The following IL17RD variants were observed in gnomAD, a reference collection of about 807,000 sequenced individuals.
IL17RD encodes interleukin 17 receptor D.
A neutral mutation model predicts 80.5 loss-of-function variants in IL17RD; 52 were observed. The ratio of observed to expected loss-of-function variants is 0.65; its 90% CI spans 0.52 to 0.81. The LOEUF (loss-of-function observed/expected upper bound fraction) is 0.81. IL17RD is among the 40% of genes least tolerant of loss of function. The pLI is 0.00. For synonymous variants in IL17RD, 416 were observed against 391.8 expected (o/e 1.06, Z -0.73); for missense variants, 1,024 against 955.1 (o/e 1.07, Z -0.95).
At chr3:57,127,305 AAAATATATAAAAATATATAT>A (rs1559477029) in intron 1 of IL17RD, among the ~76,000 whole-genome samples, 2 of 68,604 alleles carry the variant, frequency 2.9e-5, no homozygotes, top group African/African-American at 1.8e-4. Context: ...AATATATATA[AAAATATATAAAAATATATAT>A]AAATATATAT....
At chr3:57,142,501 TG>T in intron 1 of IL17RD, 1 of 1,288,434 alleles carries the variant, frequency 7.8e-7, no homozygotes, top group Non-Finnish European at 1.0e-6. Flanking sequence ...CAGAAGCGCG[TG>T]GCATCCCTCC....
intron 2 of IL17RD, among the ~76,000 whole-genome samples, chr3:57,118,517 A>C (rs1489311541): frequency 6.6e-6 from 1 of 152,200 alleles, no homozygotes; most frequent in Non-Finnish European, 1.5e-5. Flanking sequence ...ACTAAATATG[A>C]GTCAAGTTCC....
intron 1 of IL17RD, among the ~76,000 whole-genome samples, chr3:57,139,922 C>T (rs1408154693): frequency 2.0e-5 from 3 of 152,114 alleles, no homozygotes; most frequent in African/African-American, 7.2e-5. Context: ...GTTATTCAAA[C>T]TCAACTCCTG....
rs753587793 is a variant in IL17RD, at chr3:57,109,517, G to C, written c.550+20C>G. 14 of 1,604,694 alleles carry C rather than the reference G, an allele frequency of 8.7e-6. No individual in the cohort carries two copies. The South Asian group carries it at 1.6e-4, about 18-fold the overall frequency. ...AGAAAAGTCTTCTCATGGGAACCAG[G>C]CAGGAAAGGCCATACTCACCTCGGG... is the stretch of plus-strand genomic sequence containing the variant. On this transcript the variant is annotated intron_variant, in intron 5 of 12. Coordinates refer to ENST00000296318, the MANE Select transcript of IL17RD (RefSeq NM_017563.5).
intron 1 of IL17RD, among the ~76,000 whole-genome samples, chr3:57,123,477 TC>T (rs1266743203): frequency 2.6e-5 from 4 of 152,168 alleles, no homozygotes; most frequent in Non-Finnish European, 4.4e-5. Context: ...CCTCTTCTCT[TC>T]CTATCACCCA....
intron 1 of IL17RD, among the ~76,000 whole-genome samples, chr3:57,164,144 C>T (rs1468229565): frequency 6.6e-6 from 1 of 152,184 alleles, no homozygotes; most frequent in Non-Finnish European, 1.5e-5. Flanking sequence ...TCATGGCTCC[C>T]CAGGAGCAGA....
intron 5 of IL17RD, among the ~76,000 whole-genome samples, chr3:57,108,906 T>A (rs773542156): frequency 6.6e-6 from 1 of 152,064 alleles, no homozygotes; most frequent in Non-Finnish European, 1.5e-5. Flanking sequence ...TGCCTCAGCA[T>A]CCCAAATAGC....
chr3:57,127,230 A>AT (rs1310552725), intron 1 of IL17RD, among the ~76,000 whole-genome samples: 1 of 109,052 alleles, frequency 9.2e-6, no homozygotes, highest in South Asian at 2.5e-4. Flanking sequence ...AAATATATAT[A>AT]AAAATATATA....
chr3:57,144,045 G>A (rs1042199819), intron 1 of IL17RD, among the ~76,000 whole-genome samples: 2 of 152,182 alleles, frequency 1.3e-5, no homozygotes, highest in Non-Finnish European at 2.9e-5. Context: ...TTTCTGCAAA[G>A]GTGGCTGAAG....
At position 57,105,845 on chromosome 3, in the gene IL17RD, C is replaced by A. The variant is rs762019972; in HGVS notation, c.747+12G>T. The A allele has an allele frequency of 1.9e-6, 3 of 1,611,934 alleles. No individual in the cohort carries two copies. Among genetic ancestry groups the A allele is most frequent in the Non-Finnish European group, 1.7e-6 (2 of 1,179,082 alleles). ...ACACGCAGTGTTCCTTTATATACAC[C>A]CAGCAGCTCACCTGCTTACAGGTCT... On this transcript the variant is annotated intron_variant, in intron 7 of 12. Coordinates refer to ENST00000296318, the MANE Select transcript of IL17RD (RefSeq NM_017563.5).
At chr3:57,133,418 C>T (rs1707655820) in intron 1 of IL17RD, among the ~76,000 whole-genome samples, 1 of 152,104 alleles carries the variant, frequency 6.6e-6, no homozygotes, top group South Asian at 2.1e-4. Context: ...CACACACATG[C>T]AAACACACAT....
At chr3:57,169,196 A>G (rs1165075352), upstream of IL17RD, 1 of 513,596 alleles carries the variant, frequency 1.9e-6, no homozygotes. Flanking sequence ...AAGATGAGCT[A>G]GGGAAACCCT....
At chr3:57,099,119 A>G (rs1404504313) in intron 11 of IL17RD, among the ~76,000 whole-genome samples, 1 of 152,262 alleles carries the variant, frequency 6.6e-6, no homozygotes, top group Admixed American at 6.5e-5. Flanking sequence ...CGACACTCTC[A>G]TAGCCTCAGG....
chr3:57,149,448 G>A lies in IL17RD; in HGVS notation c.126+15713C>T, dbSNP rs1175676963. On this transcript the variant is annotated intron_variant, in intron 1 of 12. Transcript: ENST00000296318. ...ATGTTTCCATTTTACCCAATGTTTGGGATGACTTACTATTGTCCCTCGAGT... is the reference window on the plus strand; with the variant it reads ...ATGTTTCCATTTTACCCAATGTTTGAGATGACTTACTATTGTCCCTCGAGT... Among the ~76,000 whole-genome samples the A allele has an allele frequency of 1.3e-5, 2 of 152,096 alleles. 1 individual carries two copies. The highest frequency in any genetic ancestry group is 4.1e-4 in the South Asian group (2 of 4,822).
rs1360119659 is a variant in IL17RD, at chr3:57,106,094, G to A, written c.595+16C>T. On this transcript the variant is annotated intron_variant, in intron 6 of 12. Transcript: ENST00000296318. ...CGATACTTTGAGACTTGATAGATAAGAACACTATTACTTACAGGGTTTACA... is the reference window on the plus strand; with the variant it reads ...CGATACTTTGAGACTTGATAGATAAAAACACTATTACTTACAGGGTTTACA... 6 of 1,610,834 alleles carry A rather than the reference G, an allele frequency of 3.7e-6. No individual in the cohort carries two copies. Among genetic ancestry groups the A allele is most frequent in the Non-Finnish European group, 4.2e-6 (5 of 1,177,304 alleles).
chr3:57,168,857 C>G (rs58854441), upstream of IL17RD, among the ~76,000 whole-genome samples: 1 of 152,166 alleles, frequency 6.6e-6, no homozygotes, highest in African/African-American at 2.4e-5. Flanking sequence ...GCTGGGATAA[C>G]AGGTGCCTGC....
intron 1 of IL17RD, among the ~76,000 whole-genome samples, chr3:57,146,041 GCGCGCA>G (rs1707922061): frequency 6.8e-6 from 1 of 146,056 alleles, no homozygotes; most frequent in Non-Finnish European, 1.5e-5. Flanking sequence ...ACGCGCGCGC[GCGCGCA>G]CACACACACA....
chr3:57,115,603 C>A (rs1263457740), intron 2 of IL17RD, among the ~76,000 whole-genome samples: 2 of 152,176 alleles, frequency 1.3e-5, no homozygotes, highest in African/African-American at 4.8e-5. Context: ...TAAAAAGCTG[C>A]CAAAACCTTC....
At position 57,097,814 on chromosome 3, in the gene IL17RD, T is replaced by A. The variant is rs1706720076; in HGVS notation, c.1889A>T (p.Asp630Val). The A allele has an allele frequency of 6.2e-7, 1 of 1,608,570 alleles. No homozygotes were observed. Among genetic ancestry groups the A allele is most frequent in the African/African-American group, 1.3e-5 (1 of 74,792 alleles). The change falls in exon 12 of 13, where the codon GAC (aspartate) becomes GTC (valine). Residue 630 changes from aspartate (D) to valine (V), a missense_variant. Asp to Val is a radical substitution (Grantham distance 152). Transcript: ENST00000296318. ...GTCAAGGGCAGGCCGGGCCTCCCCG[T>A]CTTGGTCCAGGCCCCCATGCTGACT... Reference protein sequence around the residue: ...HESQHGGLDQDGEARPALDGS... With the variant: ...HESQHGGLDQVGEARPALDGS...
Sources: gnomAD v4.1 joint callset for allele counts (sites outside exome capture counted in the v4.1 genomes callset) on GRCh38, gnomAD v4.1.1 for gene constraint, MANE v1.5 for transcripts, NCBI Gene and HGNC (gene_info 2026-07-23, HGNC 2026-07-21) for gene names.